SNX29: variants seen among roughly 807,000 people sequenced by gnomAD.
SNX29 encodes sorting nexin 29.
Under a neutral mutation model 102.1 loss-of-function variants are expected in SNX29, and 78 were observed. That is an observed-to-expected ratio of 0.76 (90% confidence interval 0.64 to 0.92). The LOEUF (loss-of-function observed/expected upper bound fraction) is 0.92, where lower values mean the gene tolerates loss of function less well. Among genes scored for constraint, SNX29 ranks in the 40% least tolerant of loss-of-function variants. SNX29 has a pLI of 0.00. For missense variants in SNX29, 1,280 were observed against 1,061.7 expected, an observed-to-expected ratio of 1.21 and a Z score of -2.86; for synonymous variants, 580 against 414.5, an observed-to-expected ratio of 1.40 and a Z score of -4.85.
chr16:12,314,117 C>G (rs1055845991), intron 15 of SNX29, among the ~76,000 whole-genome samples: 1 of 152,236 alleles, frequency 6.6e-6, no homozygotes, highest in Admixed American at 6.5e-5. Context: ...TCCTGAGTAG[C>G]TGGGAGGTCA....
At chr16:12,568,073 C>A (rs959719374) in intron 20 of SNX29, among the ~76,000 whole-genome samples, 1 of 152,176 alleles carries the variant, frequency 6.6e-6, no homozygotes, top group Admixed American at 6.5e-5. Flanking sequence ...ATTAATTCCA[C>A]AGGAAGTCCG....
intron 15 of SNX29, among the ~76,000 whole-genome samples, chr16:12,288,379 C>G (rs2079671844): frequency 1.3e-5 from 2 of 152,328 alleles, no homozygotes; most frequent in South Asian, 4.1e-4. Context: ...ACCCCTTAAT[C>G]TACACATAAG....
chr16:12,564,356 G>C (rs898335358), intron 20 of SNX29, among the ~76,000 whole-genome samples: 1 of 152,108 alleles, frequency 6.6e-6, no homozygotes, highest in Admixed American at 6.5e-5. Flanking sequence ...GATGTCAAAG[G>C]AGCCAAATCT....
intron 14 of SNX29, among the ~76,000 whole-genome samples, chr16:12,247,466 T>C (rs1480316156): frequency 6.6e-6 from 1 of 152,204 alleles, no homozygotes. Flanking sequence ...CCTTCCGACT[T>C]ACAGCAGCTC....
At chr16:11,991,130 G>A (rs2055832256) in intron 1 of SNX29, among the ~76,000 whole-genome samples, 1 of 152,234 alleles carries the variant, frequency 6.6e-6, no homozygotes, top group African/African-American at 2.4e-5. Flanking sequence ...GAGGCAGCCC[G>A]CCACAGATGC....
chr16:12,558,344 C>T (rs974496602), intron 20 of SNX29, among the ~76,000 whole-genome samples: 8 of 120,218 alleles, frequency 6.7e-5, no homozygotes, highest in African/African-American at 1.6e-4. Flanking sequence ...GACAAAGAGG[C>T]CCCCTCAGCA....
chr16:12,191,154 C>T (rs2076632277), intron 13 of SNX29, among the ~76,000 whole-genome samples: 2 of 152,058 alleles, frequency 1.3e-5, no homozygotes, highest in South Asian at 4.1e-4. Flanking sequence ...TCTTGCATGC[C>T]CAGTTCACAA....
At chr16:12,471,829 T>G (rs1308561956) in intron 18 of SNX29, among the ~76,000 whole-genome samples, 2 of 152,280 alleles carry the variant, frequency 1.3e-5, no homozygotes, top group Non-Finnish European at 2.9e-5. Flanking sequence ...CCTGGATGTT[T>G]CCAGCACCCA....
intron 19 of SNX29, among the ~76,000 whole-genome samples, chr16:12,494,958 G>A (rs2088742033): frequency 6.6e-6 from 1 of 152,194 alleles, no homozygotes; most frequent in Non-Finnish European, 1.5e-5. Flanking sequence ...GCCAAGGACT[G>A]CCTGCGCATT....
chr16:12,558,920 T>TA (rs1380361223), intron 20 of SNX29, among the ~76,000 whole-genome samples: 1 of 152,226 alleles, frequency 6.6e-6, no homozygotes, highest in Non-Finnish European at 1.5e-5. Flanking sequence ...TTGTCTTGTT[T>TA]AATCTCATAG....
At chr16:12,003,542 G>A (rs1044952632) in intron 3 of SNX29, among the ~76,000 whole-genome samples, 3 of 152,174 alleles carry the variant, frequency 2.0e-5, no homozygotes, top group Non-Finnish European at 2.9e-5. Context: ...AGCAGGATCC[G>A]AAATTCTATG....
intron 14 of SNX29, among the ~76,000 whole-genome samples, chr16:12,215,363 G>A (rs1484579458): frequency 6.6e-6 from 1 of 151,952 alleles, no homozygotes; most frequent in African/African-American, 2.4e-5. Context: ...GACTCTCTGG[G>A]CTAAAGTCCC....
intron 15 of SNX29, among the ~76,000 whole-genome samples, chr16:12,333,781 G>A (rs898249280): frequency 1.3e-4 from 20 of 152,124 alleles, no homozygotes; most frequent in Non-Finnish European, 1.0e-4. Flanking sequence ...CCTGGGGACT[G>A]GGCAGGAAGG....
chr16:12,334,691 A>G (rs1022999688), intron 15 of SNX29, among the ~76,000 whole-genome samples: 1 of 152,056 alleles, frequency 6.6e-6, no homozygotes, highest in Non-Finnish European at 1.5e-5. Context: ...AAAGCTCACT[A>G]TTTCCAATTT....
chr16:12,218,102 T>A (rs1264663120), intron 14 of SNX29, among the ~76,000 whole-genome samples: 2 of 152,234 alleles, frequency 1.3e-5, no homozygotes, highest in Non-Finnish European at 1.5e-5. Flanking sequence ...GATAAAAAAA[T>A]TGTTTGGATA....
rs927652007 is a variant in SNX29 at position 12,298,369 on chromosome 16, G to C, written c.1782+20333G>C. 4.6e-5 allele frequency among the ~76,000 whole-genome samples: 7 copies of C among 152,176 alleles called. No homozygotes were observed. In the South Asian group the frequency reaches 1.2e-3, roughly 27 times the overall value. On this transcript the variant is annotated intron_variant, in intron 15 of 20. Coordinates refer to ENST00000566228, the MANE Select transcript of SNX29 (RefSeq NM_032167.5). Reference sequence around the variant, plus strand: ...CCCCTGGATGGTTTTCTGCAGGGCTGATGTTTATCACCTTCTTCAAGGTTT... The same window carrying C: ...CCCCTGGATGGTTTTCTGCAGGGCTCATGTTTATCACCTTCTTCAAGGTTT...
intron 11 of SNX29, among the ~76,000 whole-genome samples, chr16:12,123,496 C>T (rs1205007372): frequency 1.3e-5 from 2 of 152,108 alleles, no homozygotes; most frequent in African/African-American, 2.4e-5. Flanking sequence ...ACATATATAT[C>T]ATATACATAT....
At chr16:12,045,352 G>A (rs1376524248) in intron 5 of SNX29, among the ~76,000 whole-genome samples, 1 of 152,046 alleles carries the variant, frequency 6.6e-6, no homozygotes, top group Non-Finnish European at 1.5e-5. Flanking sequence ...CAATGACCTG[G>A]CGGGGAAGTT....
chr16:12,220,082 C>G (rs372375131), intron 14 of SNX29, among the ~76,000 whole-genome samples: 1 of 152,234 alleles, frequency 6.6e-6, no homozygotes, highest in Admixed American at 6.5e-5. Flanking sequence ...GGGTCTCTTG[C>G]GACCTGCAGC....
Sources: gnomAD v4.1 joint callset for allele counts (sites outside exome capture counted in the v4.1 genomes callset) on GRCh38, gnomAD v4.1.1 for gene constraint, MANE v1.5 for transcripts, NCBI Gene and HGNC (gene_info 2026-07-23, HGNC 2026-07-21) for gene names.